The following LYRM4 variants were observed in gnomAD, a reference collection of about 807,000 sequenced individuals.
LYRM4 encodes LYR motif containing 4.
A neutral mutation model predicts 11.7 loss-of-function variants in LYRM4; 9 were observed. That is an observed-to-expected ratio of 0.77 (90% confidence interval 0.46 to 1.34). The LOEUF is 1.34. LYRM4 is among the 40% of genes most tolerant of loss of function. The pLI is 0.00. For missense variants in LYRM4, 133 were observed against 112.5 expected (o/e 1.18, Z -0.82); for synonymous variants, 42 against 40.4 (o/e 1.04, Z -0.15).
chr6:5,253,695 A>G (rs1764538491), intron 1 of LYRM4, among the ~76,000 whole-genome samples: 1 of 152,142 alleles, frequency 6.6e-6, no homozygotes, highest in Non-Finnish European at 1.5e-5. Flanking sequence ...CGACCAATTG[A>G]GAGCAATCAT....
chr6:5,197,898 G>A lies in LYRM4; in HGVS notation c.207+18720C>T, dbSNP rs550999429. Among the ~76,000 whole-genome samples the A allele has an allele frequency of 1.8e-3, 268 of 151,636 alleles. 3 individuals carry two copies. The South Asian group carries it at 0.032, about 18-fold the overall frequency. On this transcript the variant is annotated intron_variant, in intron 2 of 2. Coordinates refer to ENST00000330636, the MANE Select transcript of LYRM4 (RefSeq NM_020408.6). ...AGAGAAAGGGAAGGCAGCGCCGGGT[G>A]CGGTGGCTCACGCCTGTAATCCAGC...
At chr6:5,225,731 C>T (rs1204437401) in intron 1 of LYRM4, among the ~76,000 whole-genome samples, 4 of 152,136 alleles carry the variant, frequency 2.6e-5, no homozygotes. Context: ...TAAAGTGGAA[C>T]TGATAGTTCA....
At chr6:5,176,066 A>AGTTTTTTTTT (rs140512571) in intron 2 of LYRM4, among the ~76,000 whole-genome samples, 1 of 147,246 alleles carries the variant, frequency 6.8e-6, no homozygotes, top group African/African-American at 2.5e-5. Flanking sequence ...TTACGCTATT[A>AGTTTTTTTTT]ATTTTTTTTT....
the LYRM4 span, among the ~76,000 whole-genome samples, chr6:5,083,678 T>G: frequency 1.3e-5 from 2 of 152,220 alleles, no homozygotes; most frequent in Non-Finnish European, 2.9e-5. Context: ...CTGTAGGTGC[T>G]CAGTCAATCA....
chr6:5,119,137 G>T (rs457206), intron 2 of LYRM4, among the ~76,000 whole-genome samples: 89,470 of 152,048 alleles, frequency 0.59, 27,026 homozygotes, highest in East Asian at 0.88. Context: ...TTAGATATGG[G>T]ATATTCTTAA....
In LYRM4 at chr6:5,109,152, G is replaced by C. The variant is rs1472287847; in HGVS notation, c.*271C>G. On this transcript the variant is annotated 3_prime_UTR_variant, in exon 3 of 3. Transcript: ENST00000330636. Reference sequence around the variant, plus strand: ...TATACACAATGGTCATGAGCTACAAGGTAGGAATGGGGTGCAGGGGAGACG... The same window carrying C: ...TATACACAATGGTCATGAGCTACAACGTAGGAATGGGGTGCAGGGGAGACG... 7.7e-7 allele frequency: 1 copy of C among 1,298,304 alleles called. No individual in the cohort carries two copies. The highest frequency in any genetic ancestry group is 9.8e-7 in the Non-Finnish European group (1 of 1,017,052). The allele number at this position is 1,298,304 out of a possible 1,614,324, so 80.4% of individuals were successfully genotyped here.
chr6:5,141,938 CACAA>C (rs1757428578), intron 2 of LYRM4, among the ~76,000 whole-genome samples: 1 of 152,150 alleles, frequency 6.6e-6, no homozygotes, highest in Admixed American at 6.5e-5. Flanking sequence ...AGAGCTGACC[CACAA>C]ACGCACCTAT....
In LYRM4 at chr6:5,151,547, C is replaced by T. The variant is rs1014239267; in HGVS notation, c.208-42056G>A. ...GGTCCTTGAGCAAACGGCTCCTCTACCAGAAAATGCTTATCCTGCCCTCGG... is the reference window on the plus strand; with the variant it reads ...GGTCCTTGAGCAAACGGCTCCTCTATCAGAAAATGCTTATCCTGCCCTCGG... On this transcript the variant is annotated intron_variant, in intron 2 of 2. Coordinates refer to ENST00000330636, the MANE Select transcript of LYRM4 (RefSeq NM_020408.6). Among the ~76,000 whole-genome samples the T allele has an allele frequency of 2.6e-5, 4 of 152,210 alleles. No homozygotes were observed. The South Asian group carries it at 6.2e-4, about 24-fold the overall frequency.
chr6:5,164,285 T>C (rs1158183312), intron 2 of LYRM4, among the ~76,000 whole-genome samples: 2 of 152,142 alleles, frequency 1.3e-5, no homozygotes, highest in African/African-American at 4.8e-5. Context: ...ATTGGCACTA[T>C]TCACACTAGC....
At chr6:5,201,160 G>A (rs1188561588) in intron 2 of LYRM4, among the ~76,000 whole-genome samples, 1 of 152,110 alleles carries the variant, frequency 6.6e-6, no homozygotes, top group Non-Finnish European at 1.5e-5. Context: ...GTAATTTAGA[G>A]TGCAACATGG....
the LYRM4 span, among the ~76,000 whole-genome samples, chr6:5,076,670 T>G: frequency 2.0e-5 from 3 of 152,126 alleles, no homozygotes; most frequent in Non-Finnish European, 2.9e-5. Context: ...AACAGGGGTG[T>G]AGAACTTTCA....
At chr6:5,139,095 C>T (rs927213244) in intron 2 of LYRM4, among the ~76,000 whole-genome samples, 1 of 152,230 alleles carries the variant, frequency 6.6e-6, no homozygotes, top group African/African-American at 2.4e-5. Context: ...TCCTTGTTAA[C>T]ACTCTCTGGA....
chr6:5,052,067 C>G, the LYRM4 span, among the ~76,000 whole-genome samples: 1 of 152,132 alleles, frequency 6.6e-6, no homozygotes, highest in African/African-American at 2.4e-5. Context: ...GATTGAATTT[C>G]AACAAGAGGT....
intron 1 of LYRM4, among the ~76,000 whole-genome samples, chr6:5,236,020 C>A (rs1404616616): frequency 1.3e-5 from 2 of 152,136 alleles, no homozygotes; most frequent in East Asian, 3.9e-4. Flanking sequence ...AAAACTATGA[C>A]CACTCTACAA....
intron 1 of LYRM4, among the ~76,000 whole-genome samples, chr6:5,233,984 C>A (rs181269485): frequency 6.6e-6 from 1 of 152,330 alleles, no homozygotes; most frequent in Admixed American, 6.5e-5. Context: ...AGTTCTACAG[C>A]CTGCCCTTTC....
the LYRM4 span, among the ~76,000 whole-genome samples, chr6:5,040,913 C>T: frequency 1.7e-4 from 26 of 152,056 alleles, no homozygotes; most frequent in East Asian, 4.7e-3. Flanking sequence ...TGGTGGATTA[C>T]CGCAACTCTA....
chr6:5,252,075 T>C lies in LYRM4; in HGVS notation c.86+8573A>G, dbSNP rs146446784. Among the ~76,000 whole-genome samples, 276 of 152,324 alleles carry C rather than the reference T, an allele frequency of 1.8e-3. 2 individuals carry two copies. The highest frequency in any genetic ancestry group is 6.4e-3 in the African/African-American group (268 of 41,564). ...CATAGTAAGCGAGACCTGACGTTGA[T>C]CAGCACTTAGGTTGATCAGGACTTA... On this transcript the variant is annotated intron_variant, in intron 1 of 2. Transcript: ENST00000330636.
intron 2 of LYRM4, among the ~76,000 whole-genome samples, chr6:5,179,579 A>G (rs542081782): frequency 6.6e-6 from 1 of 152,328 alleles, no homozygotes; most frequent in South Asian, 2.1e-4. Context: ...AGATTCATCC[A>G]TGTTATAGCA....
At chr6:5,056,783 C>T in the LYRM4 span, among the ~76,000 whole-genome samples, 7 of 152,148 alleles carry the variant, frequency 4.6e-5, no homozygotes, top group Admixed American at 2.0e-4. Flanking sequence ...GTCAGAGGTT[C>T]ACATGGGTTA....
Sources: allele counts gnomAD v4.1 joint callset (sites outside exome capture counted in the v4.1 genomes callset), GRCh38; gene constraint gnomAD v4.1.1; transcripts MANE v1.5; gene names NCBI Gene and HGNC (gene_info 2026-07-23, HGNC 2026-07-21).